SLC29A1: variants seen among roughly 807,000 people sequenced by gnomAD.
SLC29A1 encodes the protein solute carrier family 29 member 1 (Augustine blood group).
SLC29A1 carries 22 observed loss-of-function variants against 48.3 expected under a neutral mutation model. The observed-to-expected ratio is 0.46, with a 90% CI of 0.33 to 0.65. The LOEUF (loss-of-function observed/expected upper bound fraction) is 0.65. Among genes scored for constraint, SLC29A1 ranks in the 30% least tolerant of loss-of-function variants. The pLI, the probability that SLC29A1 is intolerant of heterozygous loss-of-function variation, is 0.03. For synonymous variants in SLC29A1, 228 were observed against 231.0 expected (o/e 0.99, Z 0.12); for missense variants, 491 against 575.3 (o/e 0.85, Z 1.50).
At position 44,230,428 on chromosome 6, in the gene SLC29A1, G is replaced by A; in HGVS notation, c.536G>A (p.Gly179Asp). ...AGCTACACGGCCCCCATCATGAGTGGCCAGGGCCTAGCAGGCTTCTTTGCC... is the reference window on the plus strand; with the variant it reads ...AGCTACACGGCCCCCATCATGAGTGACCAGGGCCTAGCAGGCTTCTTTGCC... ...PASYTAPIMS[G>D]QGLAGFFASV... The change falls in exon 6 of 13, where the codon GGC becomes GAC. Residue 179 changes from glycine to aspartate, a missense_variant. Physicochemically the swap from Gly to Asp is moderately conservative, Grantham distance 94 (BLOSUM62 -1). Transcript: ENST00000371755. The A allele has an allele frequency of 6.2e-7, 1 of 1,614,066 alleles. No individual in the cohort carries two copies. The highest frequency in any genetic ancestry group is 8.5e-7 in the Non-Finnish European group (1 of 1,180,024).
intron 9 of SLC29A1, among the ~76,000 whole-genome samples, chr6:44,231,778 G>A (rs1778941041): frequency 6.6e-6 from 1 of 152,130 alleles, no homozygotes; most frequent in Admixed American, 6.5e-5. Context: ...ACAGGCATAT[G>A]CCACCATGCC....
chr6:44,221,166 G>A (rs1776371955), upstream of SLC29A1, among the ~76,000 whole-genome samples: 1 of 152,172 alleles, frequency 6.6e-6, no homozygotes, highest in Non-Finnish European at 1.5e-5. The surrounding 1 kb of genome is among the most constrained non-coding windows in gnomAD (Gnocchi z 4.2). Context: ...TTTCAGGCAT[G>A]AGCCACCACT....
rs1029520593 is a variant in SLC29A1, at chr6:44,230,197, CCTGGACCAGGG to C, written c.455-145_455-135del. Reference sequence around the variant, plus strand: ...GCTGGGATTCAGAGGCCTGAGTGGGCCTGGACCAGGGCTGGGAGGGGGCAGAGAGAAGGGCA... The same window carrying C: ...GCTGGGATTCAGAGGCCTGAGTGGGCCTGGGAGGGGGCAGAGAGAAGGGCA... On this transcript the variant is annotated intron_variant, in intron 5 of 12. Coordinates refer to ENST00000371755, the MANE Select transcript of SLC29A1 (RefSeq NM_001372327.1). 2.7e-6 allele frequency: 4 copies of C among 1,470,954 alleles called. No homozygotes were observed. The African/African-American group carries it at 5.5e-5, about 20-fold the overall frequency. The allele number at this position is 1,470,954 out of a possible 1,614,324, so 91.1% of individuals were successfully genotyped here. A position where few individuals can be genotyped will look rare whatever the true frequency, so the allele number is the denominator to read the frequency against.
chr6:44,226,812 C>T, intron 1 of SLC29A1: 2 of 1,014,446 alleles, frequency 2.0e-6, no homozygotes, highest in Non-Finnish European at 2.4e-6. Flanking sequence ...TCCTCCTCCT[C>T]CCCCGACCTC....
chr6:44,230,147 C>G, intron 5 of SLC29A1, 101 bp downstream of exon 5: 1 of 1,533,246 alleles, frequency 6.5e-7, no homozygotes, highest in African/African-American at 1.4e-5. Flanking sequence ...CAGCCTCCGC[C>G]TGGAGGGAGT....
rs769046429 is a variant in SLC29A1, at chr6:44,233,652, C to G, written c.*124C>G. 8.0e-6 allele frequency: 6 copies of G among 752,728 alleles called. No individual in the cohort carries two copies. Among genetic ancestry groups the G allele is most frequent in the Non-Finnish European group, 1.1e-5 (5 of 437,662 alleles). 46.6% of individuals were successfully genotyped at this position (752,728 alleles called of 1,614,324 possible). A position where few individuals can be genotyped will look rare whatever the true frequency, so the allele number is the denominator to read the frequency against. On this transcript the variant is annotated 3_prime_UTR_variant, in exon 13 of 13. Transcript: ENST00000371755. Reference sequence around the variant, plus strand: ...TCTAACTGACTTCTGCTTTCCACGGCGTGTGCTGGGCCCGGATCTCCAGGC... The same window carrying G: ...TCTAACTGACTTCTGCTTTCCACGGGGTGTGCTGGGCCCGGATCTCCAGGC...
In SLC29A1 at chr6:44,226,047, G is replaced by A. The variant is rs577704843; in HGVS notation, c.-51-1216G>A. On this transcript the variant is annotated intron_variant, in intron 1 of 12. Transcript: ENST00000371755. ...CACCCTGTGCCACCTTTTTCATTCTGGATCCGCACCCAGGAGCCCGTGGAC... is the reference window on the plus strand; with the variant it reads ...CACCCTGTGCCACCTTTTTCATTCTAGATCCGCACCCAGGAGCCCGTGGAC... The A allele has an allele frequency of 1.8e-3, 1,752 of 953,196 alleles. 2 individuals carry two copies. Among genetic ancestry groups the A allele is most frequent in the Non-Finnish European group, 2.1e-3 (1,655 of 800,514 alleles). 59.0% of individuals were successfully genotyped at this position (953,196 alleles called of 1,614,324 possible).
intron 9 of SLC29A1, among the ~76,000 whole-genome samples, 182 bp from the exon 10 acceptor site, chr6:44,231,816 T>C (rs1032196795): frequency 6.6e-6 from 1 of 152,152 alleles, no homozygotes; most frequent in African/African-American, 2.4e-5. Flanking sequence ...TTAGTAGAGA[T>C]GGGGTTTCAC....
rs750161749 is a variant in SLC29A1 at position 44,231,356 on chromosome 6, T to A, written c.767-8T>A. The A allele has an allele frequency of 4.5e-6, 7 of 1,567,340 alleles. No individual in the cohort carries two copies. The Admixed American group carries it at 1.2e-4, about 27-fold the overall frequency. On this transcript the variant is annotated splice_polypyrimidine_tract_variant and splice_region_variant and intron_variant, in intron 8 of 12. Coordinates refer to ENST00000371755, the MANE Select transcript of SLC29A1 (RefSeq NM_001372327.1). ...CCCCACAACTTGGAGATTTCTTCCA[T>A]CCCGCAGGAGAGGAGCCAAGAGCAG... is the stretch of plus-strand genomic sequence containing the variant.
chr6:44,229,882 T>A lies in SLC29A1; in HGVS notation c.315-25T>A, dbSNP rs1778437040. 1 of 1,612,130 alleles carries A rather than the reference T, an allele frequency of 6.2e-7. No homozygotes were observed. The highest frequency in any genetic ancestry group is 1.7e-5 in the Admixed American group (1 of 59,994). ...AGCCCCAGCTTTGCCCACTTGTCTC[T>A]GCCACCCTTGGCCTCTCCCGGCAGG... On this transcript the variant is annotated intron_variant, in intron 4 of 12. Coordinates refer to ENST00000371755, the MANE Select transcript of SLC29A1 (RefSeq NM_001372327.1). The surrounding 1 kb of genome is among the most constrained non-coding windows in gnomAD (Gnocchi z 5.1).
In SLC29A1 at chr6:44,227,299, G is replaced by A. The variant is rs757518519; in HGVS notation, c.-15G>A. 1.1e-5 allele frequency: 17 copies of A among 1,613,998 alleles called. No individual in the cohort carries two copies. The highest frequency in any genetic ancestry group is 1.6e-4 in the Middle Eastern group (1 of 6,084). ...AGGGAGCTGTCAGCCAGGGAAAACCGAGAACACCATCACCATGACAACCAG... is the reference window on the plus strand; with the variant it reads ...AGGGAGCTGTCAGCCAGGGAAAACCAAGAACACCATCACCATGACAACCAG... On this transcript the variant is annotated 5_prime_UTR_variant, in exon 2 of 13. Transcript: ENST00000371755.
chr6:44,223,406 C>A, upstream of SLC29A1: 1 of 355,316 alleles, frequency 2.8e-6, no homozygotes, highest in Non-Finnish European at 4.0e-6. The surrounding 1 kb of genome is among the most constrained non-coding windows in gnomAD (Gnocchi z 5.0). Flanking sequence ...ACCGCAATAA[C>A]ACGACCAGGC....
Position 44,230,683 on chromosome 6 carries a change from G to C in SLC29A1, c.687+18G>C. ...CCCGCCTGGTGAGTAAATGGAGGGA[G>C]CTGGGGTTTGGGGTATAGGGGTCTG... is the stretch of plus-strand genomic sequence containing the variant. On this transcript the variant is annotated intron_variant, in intron 7 of 12. Transcript: ENST00000371755. 1 of 1,578,352 alleles carries C rather than the reference G, an allele frequency of 6.3e-7. No individual in the cohort carries two copies. The highest frequency in any genetic ancestry group is 8.7e-7 in the Non-Finnish European group (1 of 1,148,228).
At chr6:44,225,514 AAAAAAAAAAAG>A (rs1777311875) in intron 1 of SLC29A1, among the ~76,000 whole-genome samples, 1 of 151,814 alleles carries the variant, frequency 6.6e-6, no homozygotes, top group African/African-American at 2.4e-5. Flanking sequence ...TCTCAAAAAA[AAAAAAAAAAAG>A]AAAAAATCTG....
chr6:44,232,646 C>T lies in SLC29A1; in HGVS notation c.1060-161C>T. ...ATCGAGATGTAGAATATTTCCAGCA[C>T]TCCAGAAGGCTCCACCATGCCCCTT... is the stretch of plus-strand genomic sequence containing the variant. On this transcript the variant is annotated intron_variant, in intron 11 of 12. Transcript: ENST00000371755. This position sits in a 1 kb window ranked among gnomAD's most constrained non-coding sequence, Gnocchi z 4.7. 1.5e-6 allele frequency: 1 copy of T among 685,670 alleles called. No homozygotes were observed. The highest frequency in any genetic ancestry group is 2.5e-6 in the Non-Finnish European group (1 of 401,248). The allele number at this position is 685,670 out of a possible 1,614,324, so 42.5% of individuals were successfully genotyped here.
rs1778307990 is a variant in SLC29A1 at position 44,229,336 on chromosome 6, T to A, written c.30-54T>A. ...ACAGGGGCTTTCCTGGGGCTCATTGTGGAGTGGGGCAGGATGGTGCGTCAT... is the reference window on the plus strand; with the variant it reads ...ACAGGGGCTTTCCTGGGGCTCATTGAGGAGTGGGGCAGGATGGTGCGTCAT... On this transcript the variant is annotated intron_variant, in intron 2 of 12. Transcript: ENST00000371755. The surrounding 1 kb of genome is among the most constrained non-coding windows in gnomAD (Gnocchi z 5.1). 7.3e-7 allele frequency: 1 copy of A among 1,374,628 alleles called. No individual in the cohort carries two copies. Among genetic ancestry groups the A allele is most frequent in the Non-Finnish European group, 1.0e-6 (1 of 961,228 alleles). The allele number at this position is 1,374,628 out of a possible 1,614,324, so 85.2% of individuals were successfully genotyped here. A position where few individuals can be genotyped will look rare whatever the true frequency, so the allele number is the denominator to read the frequency against.
chr6:44,230,218 G>T, intron 5 of SLC29A1, 129 bp from the exon 6 acceptor site: 1 of 1,490,814 alleles, frequency 6.7e-7, no homozygotes, highest in Admixed American at 1.7e-5. Context: ...GCTGGGAGGG[G>T]GCAGAGAGAA....
In SLC29A1 at chr6:44,223,603, C is replaced by G. The variant is rs1007307220; in HGVS notation, c.-90C>G. 4.1e-6 allele frequency: 5 copies of G among 1,214,400 alleles called. No individual in the cohort carries two copies. The highest frequency in any genetic ancestry group is 5.3e-6 in the Non-Finnish European group (5 of 951,936). The allele number at this position is 1,214,400 out of a possible 1,614,324, so 75.2% of individuals were successfully genotyped here. ...CGGGAGAGGGAAGCTGCAGCGAGAG[C>G]GCGCGGATCTCAGCGCGGGAGCAGT... On this transcript the variant is annotated 5_prime_UTR_variant, in exon 1 of 13. Transcript: ENST00000371755. This position sits in a 1 kb window ranked among gnomAD's most constrained non-coding sequence, Gnocchi z 5.0.
upstream of SLC29A1, chr6:44,219,794 G>A: frequency 7.9e-7 from 1 of 1,268,668 alleles, no homozygotes; most frequent in Non-Finnish European, 1.0e-6. Flanking sequence ...TGCGCGGGGC[G>A]GGGCCGGGGG....
Sources: gnomAD v4.1 joint callset for allele counts (sites outside exome capture counted in the v4.1 genomes callset) on GRCh38, gnomAD v4.1.1 for gene constraint, Gnocchi (gnomAD v3.1) non-coding constraint, MANE v1.5 for transcripts, NCBI Gene and HGNC (gene_info 2026-07-23, HGNC 2026-07-21) for gene names.